ME2: variants seen among roughly 807,000 people sequenced by gnomAD.
ME2 encodes NAD-dependent malic enzyme, mitochondrial.
Under a neutral mutation model 73.7 loss-of-function variants are expected in ME2, and 60 were observed. The ratio of observed to expected loss-of-function variants is 0.81; its 90% CI spans 0.66 to 1.01. ME2 has a LOEUF of 1.01. ME2 is among the 50% of genes least tolerant of loss of function. The pLI, the probability that ME2 is intolerant of heterozygous loss-of-function variation, is 0.00. For synonymous variants in ME2, 199 were observed against 236.9 expected (o/e 0.84, Z 1.47); for missense variants, 594 against 705.5 (o/e 0.84, Z 1.79).
chr18:50,903,015 G>C (rs1916928774), intron 2 of ME2, among the ~76,000 whole-genome samples: 1 of 152,132 alleles, frequency 6.6e-6, no homozygotes, highest in African/African-American at 2.4e-5. Flanking sequence ...TGTGCCTAAA[G>C]TAAAATAGTT....
intron 2 of ME2, among the ~76,000 whole-genome samples, chr18:50,903,909 A>G (rs1429681736): frequency 3.3e-5 from 5 of 152,232 alleles, no homozygotes; most frequent in Non-Finnish European, 5.9e-5. Context: ...AAGGAGAAAC[A>G]TGAGACACAT....
At chr18:50,930,455 A>G (rs1917666115) in intron 12 of ME2, among the ~76,000 whole-genome samples, 4 of 152,180 alleles carry the variant, frequency 2.6e-5, no homozygotes. Flanking sequence ...CTAAAAAAAA[A>G]TCTTCATAGT....
At chr18:50,880,952 CTT>C (rs1487007031) in intron 1 of ME2, among the ~76,000 whole-genome samples, 2 of 152,184 alleles carry the variant, frequency 1.3e-5, no homozygotes, top group Admixed American at 6.5e-5. Flanking sequence ...AAATTAAAAA[CTT>C]ACAGCTATGT....
chr18:50,933,613 A>C (rs1301432388), intron 13 of ME2: 4 of 152,168 alleles, frequency 2.6e-5, no homozygotes, highest in Non-Finnish European at 5.9e-5. Context: ...AAAAGACATG[A>C]GGGCAGGAAA....
Position 50,949,702 on chromosome 18 carries a change from C to T in ME2, c.*2518C>T, listed in dbSNP as rs1918177812. 6.6e-6 allele frequency: 1 copy of T among 151,940 alleles called. No homozygotes were observed. Among genetic ancestry groups the T allele is most frequent in the Non-Finnish European group, 1.5e-5 (1 of 67,920 alleles). The allele number at this position is 151,940 out of a possible 1,614,324, so 9.4% of individuals were successfully genotyped here. ...GTTTGCTTATTAAGTATGCCTGGTA[C>T]AGTCTTCATGGAAGTTATTAAGTAT... On this transcript the variant is annotated 3_prime_UTR_variant, in exon 16 of 16. Coordinates refer to ENST00000321341, the MANE Select transcript of ME2 (RefSeq NM_002396.5).
chr18:50,947,382 AGTCAG>A lies in ME2; in HGVS notation c.*199_*203del. On this transcript the variant is annotated 3_prime_UTR_variant, in exon 16 of 16. Transcript: ENST00000321341. Reference sequence around the variant, plus strand: ...ATTGCATTGCCCACCAGCACCCTACAGTCAGATAGTTGTGATGCTTTAATTCTAAC... The same window carrying A: ...ATTGCATTGCCCACCAGCACCCTACAATAGTTGTGATGCTTTAATTCTAAC... The A allele has an allele frequency of 3.5e-6, 2 of 574,126 alleles. No homozygotes were observed. The highest frequency in any genetic ancestry group is 3.1e-6 in the Non-Finnish European group (1 of 324,194). 35.6% of individuals were successfully genotyped at this position (574,126 alleles called of 1,614,324 possible). A position where few individuals can be genotyped will look rare whatever the true frequency, so the allele number is the denominator to read the frequency against.
At chr18:50,888,637 A>G (rs909110701) in intron 1 of ME2, among the ~76,000 whole-genome samples, 3 of 152,086 alleles carry the variant, frequency 2.0e-5, no homozygotes, top group Non-Finnish European at 2.9e-5. Context: ...TATAATTGTG[A>G]TTCAAGGAAA....
At chr18:50,888,877 T>A (rs930974225) in intron 1 of ME2, among the ~76,000 whole-genome samples, 4 of 152,018 alleles carry the variant, frequency 2.6e-5, no homozygotes, top group Admixed American at 6.6e-5. Flanking sequence ...TTAAAAAAAA[T>A]TTTTTTTAAA....
At position 50,948,412 on chromosome 18, in the gene ME2, C is replaced by G. The variant is rs1028408054; in HGVS notation, c.*1228C>G. The G allele has an allele frequency of 6.6e-6, 1 of 152,016 alleles. No homozygotes were observed. Among genetic ancestry groups the G allele is most frequent in the African/African-American group, 2.4e-5 (1 of 41,372 alleles). 9.4% of individuals were successfully genotyped at this position (152,016 alleles called of 1,614,324 possible). A position where few individuals can be genotyped will look rare whatever the true frequency, so the allele number is the denominator to read the frequency against. On this transcript the variant is annotated 3_prime_UTR_variant, in exon 16 of 16. Coordinates refer to ENST00000321341, the MANE Select transcript of ME2 (RefSeq NM_002396.5). Reference sequence around the variant, plus strand: ...GCTCTTAGGGAAGAAAACTTAAATGCTCATTCTAGGATAGTAACAACAACA... The same window carrying G: ...GCTCTTAGGGAAGAAAACTTAAATGGTCATTCTAGGATAGTAACAACAACA...
intron 2 of ME2, among the ~76,000 whole-genome samples, chr18:50,902,779 T>C (rs1458709880): frequency 6.6e-6 from 1 of 152,214 alleles, no homozygotes; most frequent in Non-Finnish European, 1.5e-5. Context: ...TTATATGCAA[T>C]TTTACCACTG....
chr18:50,927,667 A>C (rs1427926435), intron 12 of ME2, among the ~76,000 whole-genome samples: 1 of 143,338 alleles, frequency 7.0e-6, no homozygotes, highest in Non-Finnish European at 1.5e-5. Flanking sequence ...GCACCACTGC[A>C]CTCCAGCCTG....
At chr18:50,929,549 TCCTTTTTGA>T (rs1402846695) in intron 12 of ME2, among the ~76,000 whole-genome samples, 3 of 151,892 alleles carry the variant, frequency 2.0e-5, no homozygotes, top group Admixed American at 6.6e-5. Flanking sequence ...CTCTCAAAAT[TCCTTTTTGA>T]CCTTTTTGAC....
intron 1 of ME2, among the ~76,000 whole-genome samples, chr18:50,894,876 C>CAA (rs201413611): frequency 1.3e-5 from 1 of 76,708 alleles, no homozygotes. Flanking sequence ...GACTCCATCT[C>CAA]AAAAAAAAAA....
At chr18:50,943,911 A>G (rs1918022360) in intron 15 of ME2, among the ~76,000 whole-genome samples, 1 of 152,160 alleles carries the variant, frequency 6.6e-6, no homozygotes, top group Non-Finnish European at 1.5e-5. Flanking sequence ...TTTGGAAGAT[A>G]TTAGTCAGTT....
chr18:50,902,230 A>G (rs1414180219), intron 2 of ME2, among the ~76,000 whole-genome samples: 2 of 152,182 alleles, frequency 1.3e-5, no homozygotes, highest in African/African-American at 4.8e-5. Flanking sequence ...CAAGCTTTGT[A>G]TCTGGAACTC....
At chr18:50,936,654 A>G (rs1046205134) in intron 13 of ME2, among the ~76,000 whole-genome samples, 1 of 152,170 alleles carries the variant, frequency 6.6e-6, no homozygotes, top group South Asian at 2.1e-4. Context: ...AGCTGGGGAC[A>G]TTGGCTCACA....
Position 50,952,771 on chromosome 18 carries a change from T to C in ME2, c.*5587T>C, listed in dbSNP as rs912243840. On this transcript the variant is annotated 3_prime_UTR_variant, in exon 16 of 16. Coordinates refer to ENST00000321341, the MANE Select transcript of ME2 (RefSeq NM_002396.5). ...CAAATCGTTGATTCCTATACAGCCA[T>C]TGGATTATCACCAACACATTTGGTA... is the stretch of plus-strand genomic sequence containing the variant. The C allele has an allele frequency of 2.0e-5, 3 of 152,208 alleles. No homozygotes were observed. The highest frequency in any genetic ancestry group is 2.9e-5 in the Non-Finnish European group (2 of 68,036). The allele number at this position is 152,208 out of a possible 1,614,324, so 9.4% of individuals were successfully genotyped here. A position where few individuals can be genotyped will look rare whatever the true frequency, so the allele number is the denominator to read the frequency against.
intron 12 of ME2, among the ~76,000 whole-genome samples, chr18:50,928,258 T>G (rs1917611018): frequency 6.6e-6 from 1 of 151,714 alleles, no homozygotes; most frequent in Admixed American, 6.6e-5. Flanking sequence ...TTTTCTTTTT[T>G]TTTTTGAGAT....
chr18:50,901,701 T>G (rs1916894614), intron 2 of ME2, among the ~76,000 whole-genome samples: 1 of 152,214 alleles, frequency 6.6e-6, no homozygotes, highest in African/African-American at 2.4e-5. Context: ...GTGAGCCAAC[T>G]CTAAACTATG....
Sources: allele counts gnomAD v4.1 joint callset (sites outside exome capture counted in the v4.1 genomes callset), GRCh38; gene constraint gnomAD v4.1.1; transcripts MANE v1.5; gene names NCBI Gene and HGNC (gene_info 2026-07-23, HGNC 2026-07-21).